KIAA0825: variants seen among roughly 807,000 people sequenced by gnomAD.
KIAA0825 encodes uncharacterized protein KIAA0825.
KIAA0825 carries 119 observed loss-of-function variants against 147.6 expected under a neutral mutation model. The observed-to-expected ratio is 0.81, with a 90% CI of 0.69 to 0.94. The LOEUF is 0.94. KIAA0825 is among the 40% of genes least tolerant of loss of function. KIAA0825 has a pLI of 0.00. For missense variants in KIAA0825, 1,381 were observed against 1,472.7 expected, an observed-to-expected ratio of 0.94 and a Z score of 1.02; for synonymous variants, 470 against 518.1, an observed-to-expected ratio of 0.91 and a Z score of 1.26.
chr5:94,564,105 TC>T (rs1463904923), intron 2 of KIAA0825, among the ~76,000 whole-genome samples: 2 of 152,036 alleles, frequency 1.3e-5, no homozygotes, highest in African/African-American at 4.8e-5. Context: ...CTTTCTTTCT[TC>T]CCCAAAGGCT....
At chr5:94,322,814 A>G (rs1012700380) in intron 20 of KIAA0825, among the ~76,000 whole-genome samples, 4 of 152,022 alleles carry the variant, frequency 2.6e-5, no homozygotes, top group South Asian at 2.1e-4. Flanking sequence ...AAATTCTGTG[A>G]TGCTTATCCT....
rs1320103774 is a variant in KIAA0825 at position 94,371,501 on chromosome 5, T to C, written c.3710+12867A>G. On this transcript the variant is annotated intron_variant, in intron 20 of 20. Transcript: ENST00000682413. The stretch of plus-strand genomic sequence containing the variant: ...CAATCATGATGGAAGGGGAAGCAAA[T>C]ACATCCTTCTTTAAAGGCAGCAGGA... Among the ~76,000 whole-genome samples, 24 of 151,978 alleles carry C rather than the reference T, an allele frequency of 1.6e-4. 1 individual carries two copies. The highest frequency in any genetic ancestry group is 1.6e-3 in the Admixed American group (24 of 15,264).
intron 2 of KIAA0825, among the ~76,000 whole-genome samples, chr5:94,540,779 T>C (rs1036046544): frequency 2.0e-5 from 3 of 152,242 alleles, no homozygotes; most frequent in Non-Finnish European, 4.4e-5. Context: ...GTGGGTCAGA[T>C]ATTAAGTTTG....
chr5:94,516,461 A>G (rs1767250562), intron 5 of KIAA0825, among the ~76,000 whole-genome samples: 2 of 152,238 alleles, frequency 1.3e-5, no homozygotes, highest in Non-Finnish European at 2.9e-5. Context: ...AAAAAAGAAA[A>G]GCAAAACACT....
chr5:94,427,615 C>T (rs1755061317), intron 14 of KIAA0825, among the ~76,000 whole-genome samples: 1 of 152,204 alleles, frequency 6.6e-6, no homozygotes, highest in Non-Finnish European at 1.5e-5. Flanking sequence ...TTTGTACTTT[C>T]CACCTTGCCC....
chr5:94,535,089 G>GTA (rs898595724), intron 3 of KIAA0825, among the ~76,000 whole-genome samples: 2 of 151,844 alleles, frequency 1.3e-5, no homozygotes, highest in African/African-American at 2.4e-5. Context: ...TATATAATGT[G>GTA]TATATATATA....
At chr5:94,527,953 T>C (rs748607505) in intron 3 of KIAA0825, among the ~76,000 whole-genome samples, 3 of 151,984 alleles carry the variant, frequency 2.0e-5, no homozygotes, top group Non-Finnish European at 4.4e-5. Context: ...CATTTCTGGA[T>C]AATATTTTTT....
chr5:94,168,390 A>G (rs1217767509), intron 20 of KIAA0825, among the ~76,000 whole-genome samples: 1 of 152,204 alleles, frequency 6.6e-6, no homozygotes, highest in Admixed American at 6.5e-5. Context: ...CTTCGGAGAC[A>G]ATCTGCAGGA....
chr5:94,600,375 T>C (rs1332076545), intron 1 of KIAA0825, among the ~76,000 whole-genome samples: 1 of 151,784 alleles, frequency 6.6e-6, no homozygotes, highest in Non-Finnish European at 1.5e-5. Flanking sequence ...TATATATTCC[T>C]TATATTTCCT....
chr5:94,584,207 T>C (rs1378552474), intron 1 of KIAA0825, among the ~76,000 whole-genome samples: 1 of 152,082 alleles, frequency 6.6e-6, no homozygotes, highest in South Asian at 2.1e-4. Flanking sequence ...TTGACAGAAG[T>C]AGGCTTCAGA....
chr5:94,453,467 G>A (rs749211162), intron 12 of KIAA0825, among the ~76,000 whole-genome samples: 10 of 151,602 alleles, frequency 6.6e-5, no homozygotes, highest in South Asian at 2.1e-4. Flanking sequence ...GATTACAGGC[G>A]TGAGCCACTG....
At chr5:94,489,239 G>A (rs1325360969) in intron 5 of KIAA0825, among the ~76,000 whole-genome samples, 1 of 152,144 alleles carries the variant, frequency 6.6e-6, no homozygotes, top group Non-Finnish European at 1.5e-5. Flanking sequence ...ACAGTGTGAA[G>A]GCTAAACAGA....
At chr5:94,569,026 T>A (rs553869216) in intron 2 of KIAA0825, 1 of 169,352 alleles carries the variant, frequency 5.9e-6, no homozygotes, top group South Asian at 1.7e-4. Context: ...ATGCCCGTAA[T>A]CGTATAAAGC....
At chr5:94,303,853 A>G (rs1210591521) in intron 20 of KIAA0825, among the ~76,000 whole-genome samples, 3 of 152,082 alleles carry the variant, frequency 2.0e-5, no homozygotes, top group African/African-American at 7.2e-5. Flanking sequence ...GGTGTGCCAC[A>G]CACTCAAGTC....
Position 94,554,716 on chromosome 5 carries a change from CTATATATATATATATATATATA to C in KIAA0825, c.-1-17611_-1-17590del, listed in dbSNP as rs70978114. Among the ~76,000 whole-genome samples the C allele has an allele frequency of 5.5e-4, 37 of 67,098 alleles. 1 individual carries two copies. The highest frequency in any genetic ancestry group is 1.8e-3 in the South Asian group (3 of 1,712). 44.0% of individuals were successfully genotyped at this position (67,098 alleles called of 152,430 possible). ...TATGAGCCAGGCATTGTTCTGTGTA[CTATATATATATATATATATATA>C]TATATATATATATATATATATATGA... On this transcript the variant is annotated intron_variant, in intron 2 of 20. Transcript: ENST00000682413.
intron 14 of KIAA0825, among the ~76,000 whole-genome samples, chr5:94,420,690 G>A (rs1754069855): frequency 6.6e-6 from 1 of 151,986 alleles, no homozygotes; most frequent in Non-Finnish European, 1.5e-5. Context: ...AAGAAGGAAT[G>A]TTTAGTACTA....
At chr5:94,365,322 G>A (rs974996992) in intron 20 of KIAA0825, among the ~76,000 whole-genome samples, 31 of 152,110 alleles carry the variant, frequency 2.0e-4, no homozygotes, top group African/African-American at 7.2e-4. Context: ...GGCAAACCCC[G>A]AGTATTTACC....
chr5:94,262,484 C>T (rs1776545801), intron 20 of KIAA0825, among the ~76,000 whole-genome samples: 1 of 152,050 alleles, frequency 6.6e-6, no homozygotes, highest in Non-Finnish European at 1.5e-5. Context: ...CAAAGATAAA[C>T]AAATATGCAA....
rs1751686354 is a variant in KIAA0825, at chr5:94,403,722, C to T, written c.2734G>A (p.Asp912Asn). 1 of 1,551,444 alleles carries T rather than the reference C, an allele frequency of 6.4e-7. No homozygotes were observed. The highest frequency in any genetic ancestry group is 8.7e-7 in the Non-Finnish European group (1 of 1,146,916). ...LRLALTDAIK[D>N]TVQQIVSVMS... The stretch of plus-strand genomic sequence containing the variant: ...ACAGATACTATCTGCTGTACAGTGT[C>T]CTTGATGGCATCGGTCAGTGCCAGT... Residue 912 changes from aspartate to asparagine, a missense_variant, in exon 16 of 21, where the codon GAC becomes AAC. Physicochemically the swap from Asp to Asn is conservative, Grantham distance 23. Transcript: ENST00000682413.
Sources: allele counts gnomAD v4.1 joint callset (sites outside exome capture counted in the v4.1 genomes callset), GRCh38; gene constraint gnomAD v4.1.1; transcripts MANE v1.5; gene names NCBI Gene and HGNC (gene_info 2026-07-23, HGNC 2026-07-21).